ZNF511: variants seen among roughly 807,000 people sequenced by gnomAD.
ZNF511 encodes zinc finger protein 511.
In ZNF511, 26 loss-of-function variants were observed where a neutral mutation model predicts 24.8. The ratio of observed to expected loss-of-function variants is 1.05; its 90% confidence interval spans 0.77 to 1.46. The LOEUF (loss-of-function observed/expected upper bound fraction) is 1.46, where lower values mean the gene tolerates loss of function less well. ZNF511 is among the 40% of genes most tolerant of loss of function. The pLI is 0.00. For missense variants in ZNF511, 358 were observed against 345.0 expected (o/e 1.04, Z -0.30); for synonymous variants, 144 against 139.6 (o/e 1.03, Z -0.22).
intron 5 of ZNF511, 164 bp downstream of exon 5, chr10:133,312,005 C>G: frequency 6.3e-7 from 1 of 1,591,216 alleles, no homozygotes; most frequent in Non-Finnish European, 8.6e-7. Flanking sequence ...TATCTCAGGT[C>G]CTGTGAATAA....
At position 133,309,375 on chromosome 10, in the gene ZNF511, G is replaced by T. The variant is rs755769952; in HGVS notation, c.154-15G>T. On this transcript the variant is annotated splice_polypyrimidine_tract_variant and intron_variant, in intron 1 of 5. Transcript: ENST00000361518. ...CGAGTCACCTGGCCCCGCCCACGGC[G>T]CACTTTTCCTGCAGGATGGGGACGT... 1 of 1,609,220 alleles carries T rather than the reference G, an allele frequency of 6.2e-7. No homozygotes were observed. The highest frequency in any genetic ancestry group is 2.2e-5 in the East Asian group (1 of 44,670).
At chr10:133,312,720 A>C in intron 5 of ZNF511, 68 bp from the exon 6 acceptor site, 1 of 1,610,678 alleles carries the variant, frequency 6.2e-7, no homozygotes, top group Non-Finnish European at 8.5e-7. Context: ...GAGACACACA[A>C]GTGCTGTTAT....
chr10:133,311,102 G>A (rs1237566297), intron 4 of ZNF511, among the ~76,000 whole-genome samples: 3 of 152,080 alleles, frequency 2.0e-5, no homozygotes, highest in Non-Finnish European at 2.9e-5. Context: ...ATGTCCAGCC[G>A]GAACAATTTT....
Position 133,312,894 on chromosome 10 carries a change from T to C in ZNF511, c.*28T>C, listed in dbSNP as rs1304754468. On this transcript the variant is annotated 3_prime_UTR_variant, in exon 6 of 6. Coordinates refer to ENST00000361518, the MANE Select transcript of ZNF511 (RefSeq NM_145806.4). ...GACTCAGAAAAGGAGTGGGGGGCAG[T>C]CACCACTGCTGGGCGTGGCATCCGC... is the stretch of plus-strand genomic sequence containing the variant. The C allele has an allele frequency of 1.9e-6, 3 of 1,613,804 alleles. No homozygotes were observed. The highest frequency in any genetic ancestry group is 2.5e-6 in the Non-Finnish European group (3 of 1,179,990).
rs1169948918 is a variant in ZNF511 at position 133,309,980 on chromosome 10, G to A, written c.429+3G>A. On this transcript the variant is annotated splice_donor_region_variant and intron_variant, in intron 3 of 5. Transcript: ENST00000361518. ...TCCTGTCTGAGAGGCAGGACATGGTGGGTGACAACTGCACAGCCGCCGAGG... is the reference window on the plus strand; with the variant it reads ...TCCTGTCTGAGAGGCAGGACATGGTAGGTGACAACTGCACAGCCGCCGAGG... 1.2e-6 allele frequency: 2 copies of A among 1,612,484 alleles called. No homozygotes were observed. Among genetic ancestry groups the A allele is most frequent in the Admixed American group, 3.3e-5 (2 of 59,970 alleles).
At position 133,309,055 on chromosome 10, in the gene ZNF511, G is replaced by C; in HGVS notation, c.112G>C (p.Ala38Pro). Residue 38 changes from alanine to proline, a missense_variant, in exon 1 of 6, where the codon GCG becomes CCG. Coordinates refer to ENST00000361518, the MANE Select transcript of ZNF511 (RefSeq NM_145806.4). ...TGGGGCCGCGCCCTTTCGCTTCGTT[G>C]CGCGCCCCGTGCGCTTCCCGCGGGA... ...AAGAAPFRFV[A>P]RPVRFPREHQ... is the part of the protein sequence containing the mutation. The C allele has an allele frequency of 7.8e-7, 1 of 1,284,040 alleles. No individual in the cohort carries two copies. Among genetic ancestry groups the C allele is most frequent in the Non-Finnish European group, 9.9e-7 (1 of 1,010,404 alleles). The allele number at this position is 1,284,040 out of a possible 1,614,324, so 79.5% of individuals were successfully genotyped here.
chr10:133,312,244 T>C, intron 5 of ZNF511: 1 of 1,352,852 alleles, frequency 7.4e-7, no homozygotes, highest in Non-Finnish European at 9.5e-7. Flanking sequence ...CTTCCTAGCA[T>C]GACCTGTGCC....
chr10:133,312,173 CGTCTGCGTT>C, intron 5 of ZNF511: 2 of 1,416,626 alleles, frequency 1.4e-6, no homozygotes, highest in South Asian at 3.1e-5. Flanking sequence ...TCACCTGTGC[CGTCTGCGTT>C]TCTAGCGTCA....
At chr10:133,310,730 A>G (rs570284611) in intron 4 of ZNF511, among the ~76,000 whole-genome samples, 6 of 152,278 alleles carry the variant, frequency 3.9e-5, no homozygotes, top group South Asian at 4.1e-4. Flanking sequence ...TTGTGCGCAT[A>G]TGAACTTGAT....
chr10:133,309,255 T>C, intron 1 of ZNF511, 135 bp from the exon 2 acceptor site: 2 of 1,271,522 alleles, frequency 1.6e-6, no homozygotes, highest in Non-Finnish European at 2.1e-6. Flanking sequence ...GGCCGGAACG[T>C]GGAGTGGGCG....
intron 4 of ZNF511, chr10:133,310,617 G>T: frequency 2.8e-6 from 1 of 351,978 alleles, no homozygotes; most frequent in Non-Finnish European, 5.4e-6. Flanking sequence ...AGTCGGCCGT[G>T]GTCATCCGCA....
At chr10:133,312,345 T>G in intron 5 of ZNF511, 1 of 1,166,632 alleles carries the variant, frequency 8.6e-7, no homozygotes, top group South Asian at 2.3e-5. Flanking sequence ...TTAAATTAAT[T>G]TGGGAAAAAC....
chr10:133,313,007 A>G lies in ZNF511; in HGVS notation c.*141A>G. On this transcript the variant is annotated 3_prime_UTR_variant, in exon 6 of 6. Transcript: ENST00000361518. ...CCATCCTTGTTCCTCAGCAAATGGC[A>G]TTAGCAGCTGTCATCAGAAGCTGTG... 3 of 1,496,914 alleles carry G rather than the reference A, an allele frequency of 2.0e-6. No homozygotes were observed. The highest frequency in any genetic ancestry group is 2.7e-6 in the Non-Finnish European group (3 of 1,128,124). The allele number at this position is 1,496,914 out of a possible 1,614,324, so 92.7% of individuals were successfully genotyped here. A position where few individuals can be genotyped will look rare whatever the true frequency, so the allele number is the denominator to read the frequency against.
In ZNF511 at chr10:133,309,476, G is replaced by C. The variant is rs752239129; in HGVS notation, c.227+13G>C. 1 of 1,609,990 alleles carries C rather than the reference G, an allele frequency of 6.2e-7. No homozygotes were observed. The highest frequency in any genetic ancestry group is 8.5e-7 in the Non-Finnish European group (1 of 1,178,644). On this transcript the variant is annotated intron_variant, in intron 2 of 5. Transcript: ENST00000361518. ...CTGAGAAGCCCAGGTAAGCGAATGG[G>C]CAGTGCCTAGCCAGTGCTACTCCTG...
At chr10:133,312,627 G>A in intron 5 of ZNF511, 161 bp from the exon 6 acceptor site, 3 of 1,517,440 alleles carry the variant, frequency 2.0e-6, no homozygotes, top group Non-Finnish European at 2.6e-6. Flanking sequence ...CTAGGTCTCA[G>A]GCTGTGGAAA....
intron 2 of ZNF511, 92 bp downstream of exon 2, chr10:133,309,555 T>TGGAA: frequency 1.4e-6 from 2 of 1,438,518 alleles, no homozygotes; most frequent in Non-Finnish European, 1.9e-6. Flanking sequence ...CGCTCTTCCA[T>TGGAA]GTGCGGCCGC....
At chr10:133,309,684 T>G (rs1256208257) in intron 2 of ZNF511, 92 bp from the exon 3 acceptor site, 3 of 1,459,678 alleles carry the variant, frequency 2.1e-6, no homozygotes, top group African/African-American at 2.8e-5. Context: ...GCATAGGGGC[T>G]TTATTGGACG....
rs1289705948 is a variant in ZNF511, at chr10:133,312,275, C to G, written c.680+434C>G. 6 of 1,271,096 alleles carry G rather than the reference C, an allele frequency of 4.7e-6. No homozygotes were observed. In the African/African-American group the frequency reaches 9.2e-5, roughly 19 times the overall value. 78.7% of individuals were successfully genotyped at this position (1,271,096 alleles called of 1,614,324 possible). ...GTGCCGTCTGCCTTTCTAGCATGAC[C>G]TGTACTGTCTGCCTTTCTAGCGTCA... is the stretch of plus-strand genomic sequence containing the variant. On this transcript the variant is annotated intron_variant, in intron 5 of 5. Coordinates refer to ENST00000361518, the MANE Select transcript of ZNF511 (RefSeq NM_145806.4).
intron 2 of ZNF511, 150 bp from the exon 3 acceptor site, chr10:133,309,626 G>C: frequency 8.0e-7 from 1 of 1,244,570 alleles, no homozygotes; most frequent in Non-Finnish European, 1.1e-6. Context: ...CACCTAGCCT[G>C]TTTGTGAAAC....
Sources: allele counts gnomAD v4.1 joint callset (sites outside exome capture counted in the v4.1 genomes callset), GRCh38; gene constraint gnomAD v4.1.1; transcripts MANE v1.5; gene names NCBI Gene and HGNC (gene_info 2026-07-23, HGNC 2026-07-21).